DCHS2: variants seen among roughly 807,000 people sequenced by gnomAD.
DCHS2 encodes protocadherin-23.
A neutral mutation model predicts 182.4 loss-of-function variants in DCHS2; 142 were observed. The observed-to-expected ratio is 0.78, with a 90% confidence interval of 0.68 to 0.89. The LOEUF is 0.89. Ranked by LOEUF, DCHS2 falls within the 40% of genes least tolerant of loss-of-function variation. DCHS2 has a pLI of 0.00. For missense variants in DCHS2, 4,319 were observed against 4,198.6 expected (o/e 1.03, Z -0.79); for synonymous variants, 1,740 against 1,663.3 (o/e 1.05, Z -1.12).
At chr4:154,239,418 C>A in intron 18 of DCHS2, 116 bp from the exon 19 acceptor site, 2 of 1,468,984 alleles carry the variant, frequency 1.4e-6, no homozygotes, top group Non-Finnish European at 9.2e-7. Flanking sequence ...CCATACAATA[C>A]AACCTGACTT....
At chr4:154,468,388 T>G (rs1735323142) in intron 1 of DCHS2, among the ~76,000 whole-genome samples, 1 of 152,176 alleles carries the variant, frequency 6.6e-6, no homozygotes, top group African/African-American at 2.4e-5. Context: ...AACACTCATG[T>G]CATCTAAAGG....
At chr4:154,426,837 C>A (rs1733351472) in intron 1 of DCHS2, among the ~76,000 whole-genome samples, 1 of 151,134 alleles carries the variant, frequency 6.6e-6, no homozygotes, top group Non-Finnish European at 1.5e-5. Context: ...GTTTATAACA[C>A]AAAGAAAGGA....
At chr4:154,335,625 G>C (rs910357261) in intron 3 of DCHS2, among the ~76,000 whole-genome samples, 2 of 152,128 alleles carry the variant, frequency 1.3e-5, no homozygotes, top group Non-Finnish European at 1.5e-5. Flanking sequence ...GGACTTGCCA[G>C]CCTTCATAAT....
At chr4:154,481,314 T>C (rs1459578093) in intron 1 of DCHS2, among the ~76,000 whole-genome samples, 1 of 152,220 alleles carries the variant, frequency 6.6e-6, no homozygotes, top group Admixed American at 6.5e-5. Context: ...CAGGCTGGGG[T>C]GCAGTGGCGC....
intron 1 of DCHS2, among the ~76,000 whole-genome samples, chr4:154,473,511 GT>G (rs1352688847): frequency 4.5e-5 from 1 of 22,136 alleles, no homozygotes; most frequent in Admixed American, 1.1e-3. Context: ...ATATGGAAAT[GT>G]TTTTTGGTGC....
At chr4:154,458,095 T>G (rs1734847934) in intron 1 of DCHS2, among the ~76,000 whole-genome samples, 2 of 152,010 alleles carry the variant, frequency 1.3e-5, no homozygotes, top group East Asian at 1.9e-4. Flanking sequence ...TCATTCACCT[T>G]CTTGCCAATT....
chr4:154,238,951 A>G (rs192969311), intron 19 of DCHS2, among the ~76,000 whole-genome samples: 28 of 152,278 alleles, frequency 1.8e-4, no homozygotes, highest in African/African-American at 5.1e-4. Flanking sequence ...TTAAACAGTG[A>G]CATTTGCTTT....
At chr4:154,238,749 T>C (rs201073341) in intron 19 of DCHS2, among the ~76,000 whole-genome samples, 182 of 152,322 alleles carry the variant, frequency 1.2e-3, no homozygotes, top group African/African-American at 4.2e-3. Flanking sequence ...TACTGATTTT[T>C]TTTAACTTGG....
intron 1 of DCHS2, among the ~76,000 whole-genome samples, chr4:154,393,525 T>G (rs1579042118): frequency 6.6e-6 from 1 of 152,324 alleles, no homozygotes; most frequent in East Asian, 1.9e-4. Flanking sequence ...CACAATGTCT[T>G]CAACATCCCA....
At chr4:154,405,287 T>A (rs1289242893) in intron 1 of DCHS2, among the ~76,000 whole-genome samples, 1 of 151,672 alleles carries the variant, frequency 6.6e-6, no homozygotes, top group East Asian at 1.9e-4. Context: ...AAATAAAATT[T>A]TATCTTTATC....
In DCHS2 at chr4:154,457,446, C is replaced by T. The variant is rs148158539; in HGVS notation, c.2052+31858G>A. ...CTAAATGAGAAAGTACTCACCCATG[C>T]CTGGTTCCTCTAGCTCCCATCACTA... is the stretch of plus-strand genomic sequence containing the variant. On this transcript the variant is annotated intron_variant, in intron 1 of 19. Transcript: ENST00000357232. Among the ~76,000 whole-genome samples the T allele has an allele frequency of 1.6e-4, 25 of 152,282 alleles. No homozygotes were observed. In the Middle Eastern group the frequency reaches 0.01, roughly 62 times the overall value.
chr4:154,352,368 C>T (rs1030902961), intron 3 of DCHS2: 1 of 152,030 alleles, frequency 6.6e-6, no homozygotes, highest in Non-Finnish European at 1.5e-5. Flanking sequence ...AGTAGCCACC[C>T]CCTCTAATCG....
chr4:154,417,404 G>A (rs1732912756), intron 1 of DCHS2, among the ~76,000 whole-genome samples: 1 of 152,108 alleles, frequency 6.6e-6, no homozygotes, highest in African/African-American at 2.4e-5. Context: ...TTAAGCCAAA[G>A]CACTTTGTTA....
chr4:154,442,829 G>A (rs931775422), intron 1 of DCHS2, among the ~76,000 whole-genome samples: 1 of 151,802 alleles, frequency 6.6e-6, no homozygotes, highest in African/African-American at 2.4e-5. Flanking sequence ...TCTTTCTCTT[G>A]GTCACTAGTT....
intron 3 of DCHS2, among the ~76,000 whole-genome samples, chr4:154,359,309 C>T (rs1017439731): frequency 1.3e-5 from 2 of 151,920 alleles, no homozygotes; most frequent in Admixed American, 1.3e-4. Flanking sequence ...AGATGCAGTA[C>T]TAAGTGAACT....
At chr4:154,411,153 G>A (rs1387553196) in intron 1 of DCHS2, among the ~76,000 whole-genome samples, 2 of 152,154 alleles carry the variant, frequency 1.3e-5, no homozygotes, top group African/African-American at 4.8e-5. Context: ...AATATTGCAT[G>A]ATCTCACTTA....
intron 1 of DCHS2, among the ~76,000 whole-genome samples, chr4:154,469,177 CA>C (rs1341138972): frequency 6.6e-6 from 1 of 151,398 alleles, no homozygotes; most frequent in Non-Finnish European, 1.5e-5. Flanking sequence ...TTATTGGGGT[CA>C]AGGGAGGCTG....
chr4:154,364,834 T>C (rs948437814), intron 3 of DCHS2, among the ~76,000 whole-genome samples: 2 of 152,166 alleles, frequency 1.3e-5, no homozygotes, highest in African/African-American at 4.8e-5. Flanking sequence ...GCATCTGACA[T>C]TATCATTACC....
rs562156035 is a variant in DCHS2, at chr4:154,333,020, T to G, written c.3188A>C (p.Gln1063Pro). 59 of 1,614,160 alleles carry G rather than the reference T, an allele frequency of 3.7e-5. 1 individual carries two copies. In the South Asian group the frequency reaches 6.5e-4, roughly 18 times the overall value. ...GACTGTCAGCACCAGCAGGGCTGCC[T>G]GAGGATGCACGCCTTGGTCCTCGGC... is the stretch of plus-strand genomic sequence containing the variant. ...LRAEDQGVHP[Q>P]AALLVLTVVI... is the part of the protein sequence containing the mutation. The change falls in exon 5 of 20, where the codon CAG becomes CCG. Residue 1063 changes from glutamine (Q) to proline (P), a missense_variant. Physicochemically the swap from Gln to Pro is moderately conservative, Grantham distance 76. Transcript: ENST00000357232.
Sources: gnomAD v4.1 joint callset for allele counts (sites outside exome capture counted in the v4.1 genomes callset) on GRCh38, gnomAD v4.1.1 for gene constraint, MANE v1.5 for transcripts, NCBI Gene and HGNC (gene_info 2026-07-23, HGNC 2026-07-21) for gene names.